The following TM2D1 variants were observed in gnomAD, a reference collection of about 807,000 sequenced individuals.
TM2D1 encodes the protein TM2 domain-containing protein 1.
In TM2D1, 15 loss-of-function variants were observed where a neutral mutation model predicts 28.4. The ratio of observed to expected loss-of-function variants is 0.53; its 90% CI spans 0.35 to 0.81. The LOEUF is 0.81. TM2D1 is among the 40% of genes least tolerant of loss of function. TM2D1 has a pLI of 0.01. For missense variants in TM2D1, 236 were observed against 254.9 expected (o/e 0.93, Z 0.50); for synonymous variants, 93 against 96.2 (o/e 0.97, Z 0.20).
chr1:61,713,904 T>C (rs1296049262), intron 2 of TM2D1, among the ~76,000 whole-genome samples: 4 of 141,612 alleles, frequency 2.8e-5, no homozygotes, highest in African/African-American at 1.0e-4. Flanking sequence ...TTTTTTTTTT[T>C]TTGAGACGGA....
chr1:61,697,664 TAAAA>T (rs912907023), intron 4 of TM2D1: 2 of 152,174 alleles, frequency 1.3e-5, no homozygotes, highest in African/African-American at 4.8e-5. Flanking sequence ...ATCACTATAA[TAAAA>T]AAAGAACATA....
intron 3 of TM2D1, among the ~76,000 whole-genome samples, chr1:61,702,249 A>G (rs1023304018): frequency 1.3e-5 from 2 of 152,056 alleles, no homozygotes; most frequent in African/African-American, 4.8e-5. Context: ...ACTGGGTAGA[A>G]CTGGTGCCAT....
chr1:61,697,068 T>C (rs928321869), intron 4 of TM2D1, among the ~76,000 whole-genome samples: 1 of 152,218 alleles, frequency 6.6e-6, no homozygotes, highest in Non-Finnish European at 1.5e-5. Flanking sequence ...TTGCCCTTCC[T>C]GTCTGTGTTC....
At chr1:61,700,846 A>T in intron 4 of TM2D1, 88 bp downstream of exon 4, 2 of 936,610 alleles carry the variant, frequency 2.1e-6, no homozygotes, top group Non-Finnish European at 3.3e-6. Flanking sequence ...ACTTATAATA[A>T]ATACACAGAG....
intron 2 of TM2D1, among the ~76,000 whole-genome samples, chr1:61,720,319 G>A (rs1443463825): frequency 2.0e-5 from 3 of 151,762 alleles, no homozygotes; most frequent in Non-Finnish European, 2.9e-5. Flanking sequence ...TCGGCTCACT[G>A]CAACCTCCGC....
In TM2D1 at chr1:61,723,781, A is replaced by G. The variant is rs1333520933; in HGVS notation, c.170T>C (p.Ile57Thr). 2 of 1,502,840 alleles carry G rather than the reference A, an allele frequency of 1.3e-6. No homozygotes were observed. The highest frequency in any genetic ancestry group is 2.0e-5 in the Admixed American group (1 of 51,036). 93.1% of individuals were successfully genotyped at this position (1,502,840 alleles called of 1,614,324 possible). Reference protein sequence around the residue: ...KCEDLKVGQYICKDPKINDAT... With the variant: ...KCEDLKVGQYTCKDPKINDAT... The stretch of plus-strand genomic sequence containing the variant: ...GTCATTTATTTTTGGATCTTTACAA[A>G]TATATGTAAAAAAAAAAGTTAAGGA... The change falls in exon 2 of 7, where the codon ATT becomes ACT. Residue 57 changes from isoleucine to threonine, a missense_variant. Coordinates refer to ENST00000606498, the MANE Select transcript of TM2D1 (RefSeq NM_032027.3).
At chr1:61,724,862 C>G in intron 1 of TM2D1, 95 bp downstream of exon 1, 1 of 1,296,450 alleles carries the variant, frequency 7.7e-7, no homozygotes, top group Non-Finnish European at 1.0e-6. Context: ...ATCGTTTTCA[C>G]TCAGTACAGC....
At position 61,710,503 on chromosome 1, in the gene TM2D1, TACACACAC is replaced by T. The variant is rs4020071; in HGVS notation, c.239-1074_239-1067del. Among the ~76,000 whole-genome samples the T allele has an allele frequency of 5.6e-4, 71 of 126,680 alleles. 2 individuals carry two copies. The highest frequency in any genetic ancestry group is 2.0e-3 in the African/African-American group (69 of 34,932). The allele number at this position is 126,680 out of a possible 152,430, so 83.1% of individuals were successfully genotyped here. Reference sequence around the variant, plus strand: ...ACACACACACACACATATACACACATACACACACACACACACACACACACACATATACG... The same window carrying T: ...ACACACACACACACATATACACACATACACACACACACACACACATATACG... On this transcript the variant is annotated intron_variant, in intron 2 of 6. Coordinates refer to ENST00000606498, the MANE Select transcript of TM2D1 (RefSeq NM_032027.3).
chr1:61,723,798 AGTTAAGG>A lies in TM2D1; in HGVS notation c.165-19_165-13del. Reference sequence around the variant, plus strand: ...CTTTACAAATATATGTAAAAAAAAAAGTTAAGGAAATACGGACTACATTCCAACACAA... The same window carrying A: ...CTTTACAAATATATGTAAAAAAAAAAAAATACGGACTACATTCCAACACAA... On this transcript the variant is annotated splice_polypyrimidine_tract_variant and intron_variant, in intron 1 of 6. Transcript: ENST00000606498. The A allele has an allele frequency of 7.4e-7, 1 of 1,357,428 alleles. No homozygotes were observed. Among genetic ancestry groups the A allele is most frequent in the East Asian group, 2.5e-5 (1 of 40,508 alleles). 84.1% of individuals were successfully genotyped at this position (1,357,428 alleles called of 1,614,324 possible). A position where few individuals can be genotyped will look rare whatever the true frequency, so the allele number is the denominator to read the frequency against.
intron 5 of TM2D1, among the ~76,000 whole-genome samples, chr1:61,689,815 A>G (rs985287150): frequency 1.3e-5 from 2 of 152,220 alleles, no homozygotes; most frequent in African/African-American, 4.8e-5. Flanking sequence ...ATAGTTTATC[A>G]TATCAACTTT....
chr1:61,719,082 T>G (rs1243975299), intron 2 of TM2D1, among the ~76,000 whole-genome samples: 2 of 152,224 alleles, frequency 1.3e-5, no homozygotes, highest in Non-Finnish European at 2.9e-5. Context: ...ATTTATTTAT[T>G]TTTTGGAGAC....
intron 4 of TM2D1, chr1:61,700,276 T>C (rs1458331997): frequency 1.3e-6 from 2 of 1,486,990 alleles, no homozygotes; most frequent in Non-Finnish European, 1.8e-6. Flanking sequence ...TTTCCTTACC[T>C]GTTAAAGAGG....
intron 5 of TM2D1, chr1:61,683,826 T>C (rs1026147573): frequency 1.8e-5 from 4 of 223,500 alleles, no homozygotes; most frequent in African/African-American, 9.3e-5. Context: ...TAGCTCTGCT[T>C]GTCTTCATTC....
At chr1:61,689,048 T>TA (rs1289637371) in intron 5 of TM2D1, among the ~76,000 whole-genome samples, 4 of 152,030 alleles carry the variant, frequency 2.6e-5, no homozygotes, top group Non-Finnish European at 4.4e-5. Flanking sequence ...GAAATAAAAA[T>TA]AAAAAAATGT....
At chr1:61,716,057 G>A (rs1032719434) in intron 2 of TM2D1, among the ~76,000 whole-genome samples, 7 of 151,414 alleles carry the variant, frequency 4.6e-5, no homozygotes, top group African/African-American at 1.5e-4. Context: ...CACCCGCCTC[G>A]GCCTCCCAAA....
At chr1:61,694,605 C>T (rs1644351041) in intron 5 of TM2D1, 92 bp downstream of exon 5, 1 of 794,456 alleles carries the variant, frequency 1.3e-6, no homozygotes, top group African/African-American at 1.8e-5. Context: ...TTCTCTGCTT[C>T]CTCGTATACT....
intron 5 of TM2D1, chr1:61,686,643 A>C (rs1151757): frequency 0.31 from 90,695 of 295,848 alleles, 16,332 homozygotes; most frequent in African/African-American, 0.6. Context: ...CCAACCTGGG[A>C]AACAGAGTGA....
intron 4 of TM2D1, among the ~76,000 whole-genome samples, chr1:61,695,901 G>T (rs1353381382): frequency 6.6e-6 from 1 of 152,158 alleles, no homozygotes; most frequent in Non-Finnish European, 1.5e-5. Flanking sequence ...CTGTCACACA[G>T]AAGCCCCATT....
chr1:61,683,647 CA>C, intron 5 of TM2D1, 101 bp from the exon 6 acceptor site: 1 of 645,402 alleles, frequency 1.5e-6, no homozygotes, highest in Non-Finnish European at 2.6e-6. Context: ...TCAGAAGCAA[CA>C]AAAATCCAGC....
Sources: allele counts gnomAD v4.1 joint callset (sites outside exome capture counted in the v4.1 genomes callset), GRCh38; gene constraint gnomAD v4.1.1; transcripts MANE v1.5; gene names NCBI Gene and HGNC (gene_info 2026-07-23, HGNC 2026-07-21).